The following ERBB4 variants were observed in gnomAD, a reference collection of about 807,000 sequenced individuals.
ERBB4 encodes receptor tyrosine-protein kinase erbB-4.
ERBB4 carries 42 observed loss-of-function variants against 158.0 expected under a neutral mutation model. That is an observed-to-expected ratio of 0.27 (90% confidence interval 0.21 to 0.34). The LOEUF (loss-of-function observed/expected upper bound fraction) is 0.34, where lower values mean the gene tolerates loss of function less well. Among genes scored for constraint, ERBB4 ranks in the 10% least tolerant of loss-of-function variants. The pLI, the probability that ERBB4 is intolerant of heterozygous loss-of-function variation, is 1.00. For missense variants in ERBB4, 1,333 were observed against 1,624.1 expected (o/e 0.82, Z 3.08); for synonymous variants, 583 against 558.7 (o/e 1.04, Z -0.61).
chr2:212,473,603 T>C (rs750438648), intron 1 of ERBB4, among the ~76,000 whole-genome samples: 21 of 152,102 alleles, frequency 1.4e-4, no homozygotes, highest in Non-Finnish European at 2.4e-4. Context: ...TTACTAACCA[T>C]AGAGTATACT....
intron 19 of ERBB4, among the ~76,000 whole-genome samples, chr2:211,594,464 A>AAC (rs1553582747): frequency 2.6e-5 from 4 of 152,090 alleles, no homozygotes; most frequent in African/African-American, 7.2e-5. Flanking sequence ...TAAAAAAAAA[A>AAC]AACTAAGCAA....
chr2:211,492,522 T>A (rs1310782360), intron 20 of ERBB4, among the ~76,000 whole-genome samples: 1 of 152,108 alleles, frequency 6.6e-6, no homozygotes, highest in Non-Finnish European at 1.5e-5. Flanking sequence ...ATAAATACTC[T>A]CATTTAATGC....
At chr2:212,295,909 A>G (rs2086393805) in intron 1 of ERBB4, among the ~76,000 whole-genome samples, 1 of 152,084 alleles carries the variant, frequency 6.6e-6, no homozygotes, top group Admixed American at 6.6e-5. Flanking sequence ...GCTTAGTAAT[A>G]AAGTTTTTGC....
At chr2:212,239,898 C>T (rs905564342) in intron 1 of ERBB4, among the ~76,000 whole-genome samples, 1 of 151,958 alleles carries the variant, frequency 6.6e-6, no homozygotes, top group African/African-American at 2.4e-5. Context: ...CAAGTTAAAT[C>T]GAAAATATTG....
At chr2:211,701,484 C>T (rs187834869) in intron 12 of ERBB4, among the ~76,000 whole-genome samples, 660 of 152,200 alleles carry the variant, frequency 4.3e-3, no homozygotes, top group Admixed American at 7.6e-3. Flanking sequence ...CGGCCGGGCG[C>T]GGTGGCTCAT....
rs571786535 is a variant in ERBB4 at position 212,469,900 on chromosome 2, A to C, written c.82+68549T>G. ...ATATTCCCTATGCTCCTCTTTTCGG[A>C]TGGAACATCAGTTATCTTTAGCTCT... On this transcript the variant is annotated intron_variant, in intron 1 of 27. Transcript: ENST00000342788. Among the ~76,000 whole-genome samples, 3 of 152,150 alleles carry C rather than the reference A, an allele frequency of 2.0e-5. No homozygotes were observed. In the South Asian group the frequency reaches 6.2e-4, roughly 32 times the overall value.
At position 211,378,322 on chromosome 2, in the gene ERBB4, A is replaced by T. The variant is rs1004542743; in HGVS notation, c.*5293T>A. On this transcript the variant is annotated 3_prime_UTR_variant, in exon 28 of 28. Transcript: ENST00000342788. ...TTAGCTTGTGACTATAGAAGCATTT[A>T]CTTCTGCCCAAAATGTCACCTGGCC... 1 of 232,742 alleles carries T rather than the reference A, an allele frequency of 4.3e-6. No homozygotes were observed. The allele number at this position is 232,742 out of a possible 1,614,324, so 14.4% of individuals were successfully genotyped here. A position where few individuals can be genotyped will look rare whatever the true frequency, so the allele number is the denominator to read the frequency against.
chr2:211,722,553 T>C lies in ERBB4; in HGVS notation c.742-19A>G. On this transcript the variant is annotated intron_variant, in intron 6 of 27. Coordinates refer to ENST00000342788, the MANE Select transcript of ERBB4 (RefSeq NM_005235.3). Reference sequence around the variant, plus strand: ...TGCAGGCCTGCAACACAGCAAATATTACTTTCATTTACAAATAAACTCATA... The same window carrying C: ...TGCAGGCCTGCAACACAGCAAATATCACTTTCATTTACAAATAAACTCATA... The C allele has an allele frequency of 6.2e-7, 1 of 1,612,858 alleles. No homozygotes were observed. The highest frequency in any genetic ancestry group is 8.5e-7 in the Non-Finnish European group (1 of 1,178,858).
chr2:212,182,680 A>G (rs1229857544), intron 1 of ERBB4, among the ~76,000 whole-genome samples: 1 of 151,934 alleles, frequency 6.6e-6, no homozygotes, highest in African/African-American at 2.4e-5. Context: ...CAATAAAATG[A>G]AGTTGGTAGC....
At chr2:212,521,707 A>T (rs2106316612) in intron 1 of ERBB4, among the ~76,000 whole-genome samples, 1 of 152,038 alleles carries the variant, frequency 6.6e-6, no homozygotes, top group Non-Finnish European at 1.5e-5. Context: ...ATTAATATTC[A>T]ATTCCCTTTT....
chr2:212,384,445 G>A (rs769410351), intron 1 of ERBB4, among the ~76,000 whole-genome samples: 1 of 151,574 alleles, frequency 6.6e-6, no homozygotes, highest in Non-Finnish European at 1.5e-5. Flanking sequence ...CTCTTTGGCT[G>A]TCTAGGGCAA....
At chr2:212,278,255 A>AT (rs1407552082) in intron 1 of ERBB4, among the ~76,000 whole-genome samples, 2 of 151,796 alleles carry the variant, frequency 1.3e-5, no homozygotes, top group Non-Finnish European at 2.9e-5. Context: ...TTGCCATAAT[A>AT]TAAGTGACAT....
intron 1 of ERBB4, among the ~76,000 whole-genome samples, chr2:212,279,546 T>G (rs1366628417): frequency 2.6e-5 from 4 of 151,630 alleles, no homozygotes; most frequent in Non-Finnish European, 5.9e-5. Flanking sequence ...CAAAGGCTGA[T>G]TCTATGACCA....
At chr2:212,330,695 C>T (rs2088095767) in intron 1 of ERBB4, among the ~76,000 whole-genome samples, 1 of 151,946 alleles carries the variant, frequency 6.6e-6, no homozygotes, top group African/African-American at 2.4e-5. Flanking sequence ...CACCTATCAA[C>T]CCTCCCCATT....
intron 1 of ERBB4, among the ~76,000 whole-genome samples, chr2:212,335,734 T>C (rs985189261): frequency 5.3e-5 from 8 of 152,000 alleles, no homozygotes; most frequent in African/African-American, 2.4e-5. Flanking sequence ...AAGAACGAGA[T>C]ACTATGAAAT....
chr2:211,900,268 G>A (rs115074028), intron 3 of ERBB4, among the ~76,000 whole-genome samples: 8 of 152,008 alleles, frequency 5.3e-5, no homozygotes, highest in East Asian at 1.9e-4. Context: ...ACTTCTGAGC[G>A]TATCAACACA....
intron 1 of ERBB4, among the ~76,000 whole-genome samples, chr2:212,342,133 A>G (rs1018368023): frequency 1.2e-4 from 19 of 152,248 alleles, no homozygotes; most frequent in Non-Finnish European, 2.2e-4. Context: ...GCATGTTGAC[A>G]TGCATTTGTG....
At chr2:211,533,490 CTGTT>C (rs951362947) in intron 20 of ERBB4, among the ~76,000 whole-genome samples, 29 of 152,106 alleles carry the variant, frequency 1.9e-4, no homozygotes, top group African/African-American at 3.4e-4. Context: ...AAATGAAAAA[CTGTT>C]TGACAAATAT....
chr2:211,656,529 T>A (rs564794235), intron 16 of ERBB4, among the ~76,000 whole-genome samples: 1 of 152,330 alleles, frequency 6.6e-6, no homozygotes, highest in East Asian at 1.9e-4. Flanking sequence ...AACATACAGT[T>A]CTATAATTTT....
Sources: allele counts gnomAD v4.1 joint callset (sites outside exome capture counted in the v4.1 genomes callset), GRCh38; gene constraint gnomAD v4.1.1; transcripts MANE v1.5; gene names NCBI Gene and HGNC (gene_info 2026-07-23, HGNC 2026-07-21).